Variants in CILP2 observed in about 807,000 individuals in gnomAD.
CILP2 encodes CILP-2.
CILP2 carries 38 observed loss-of-function variants against 45.6 expected under a neutral mutation model. The ratio of observed to expected loss-of-function variants is 0.83; its 90% CI spans 0.64 to 1.09. CILP2 has a LOEUF of 1.09. Ranked by LOEUF, CILP2 falls within the 50% of genes least tolerant of loss-of-function variation. CILP2 has a pLI of 0.00. For synonymous variants in CILP2, 780 were observed against 723.5 expected (o/e 1.08, Z -1.25); for missense variants, 1,735 against 1,662.2 (o/e 1.04, Z -0.76).
intron 2 of CILP2, 44 bp from the exon 3 acceptor site, chr19:19,540,160 C>A (rs1271709070): frequency 6.6e-7 from 1 of 1,504,314 alleles, no homozygotes; most frequent in South Asian, 1.3e-5. Flanking sequence ...TGCATGGGGG[C>A]CTACAGGCCG....
chr19:19,541,898 G>A (rs1362401148), intron 4 of CILP2, among the ~76,000 whole-genome samples: 3 of 152,200 alleles, frequency 2.0e-5, no homozygotes, highest in Non-Finnish European at 2.9e-5. Flanking sequence ...GGTGGCCAAT[G>A]GGGCGTTGGG....
Position 19,543,952 on chromosome 19 carries a change from G to GC in CILP2, c.1412dup (p.Arg472SerfsTer12). On this transcript the variant is annotated frameshift_variant, in exon 8 of 8. Transcript: ENST00000291495. LOFTEE classifies it low-confidence loss of function (END_TRUNC). ...CAGAGTGTGGCTGCCAGAAGTGTCT[G>GC]CCCCCTCGGGGGCTGGTCCGGGGCC... is the stretch of plus-strand genomic sequence containing the variant. The GC allele has an allele frequency of 6.2e-7, 1 of 1,613,380 alleles. No individual in the cohort carries two copies. The highest frequency in any genetic ancestry group is 8.5e-7 in the Non-Finnish European group (1 of 1,179,654).
At chr19:19,543,473 C>G in intron 7 of CILP2, 68 bp downstream of exon 7, 2 of 1,576,760 alleles carry the variant, frequency 1.3e-6, no homozygotes. Context: ...TAGCTAAGCT[C>G]AACCCCAAAT....
chr19:19,540,588 G>C, intron 3 of CILP2, 112 bp downstream of exon 3: 1 of 1,200,038 alleles, frequency 8.3e-7, no homozygotes, highest in Non-Finnish European at 1.1e-6. Flanking sequence ...GTGGGTGTGG[G>C]CGTGGCTGGG....
At position 19,539,734 on chromosome 19, in the gene CILP2, C is replaced by G. The variant is rs764519600; in HGVS notation, c.120C>G (p.Ser40=). 19 of 1,606,704 alleles carry G rather than the reference C, an allele frequency of 1.2e-5. No homozygotes were observed. Among genetic ancestry groups the G allele is most frequent in the Non-Finnish European group, 1.6e-5 (19 of 1,175,970 alleles). ...MATALGLERR[S]VYTGQPSPAL... is the part of the protein sequence containing the mutation. ...CTGCACTGGGCCTGGAAAGACGGTC[C>G]GTGTACACCGGCCAGCCCTCACCAG... is the stretch of plus-strand genomic sequence containing the variant. Residue 40 remains serine, a synonymous_variant, in exon 2 of 8, where the codon TCC becomes TCG. Coordinates refer to ENST00000291495, the MANE Select transcript of CILP2 (RefSeq NM_153221.2).
Position 19,540,277 on chromosome 19 carries a change from C to T in CILP2, c.237C>T (p.Ala79=), listed in dbSNP as rs1038869542. 1 of 1,600,906 alleles carries T rather than the reference C, an allele frequency of 6.2e-7. No individual in the cohort carries two copies. The highest frequency in any genetic ancestry group is 8.5e-7 in the Non-Finnish European group (1 of 1,176,798). ...ACGGCGACTTCGAGAGCCTGGCTGC[C>T]ATCCGCTTCTACTACGGGCCAGCGC... ...GGDGDFESLA[A]IRFYYGPARV... Residue 79 remains alanine, a synonymous_variant, in exon 3 of 8, where the codon GCC becomes GCT. Transcript: ENST00000291495.
rs61744761 is a variant in CILP2, at chr19:19,545,806, C to T, written c.3261C>T (p.Gly1087=). ...GCTGCTTTGATGGTTCCTCTGACGG[C>T]TTCTCCAGAGAGATGAAGGCTGATG... ...IGRCFDGSSD[G]FSREMKADAG... The change falls in exon 8 of 8, where the codon GGC becomes GGT. Residue 1087 remains glycine, a synonymous_variant. Coordinates refer to ENST00000291495, the MANE Select transcript of CILP2 (RefSeq NM_153221.2). 248,536 of 1,591,472 alleles carry T rather than the reference C, an allele frequency of 0.16. 20,497 individuals are homozygous for T. Among genetic ancestry groups the T allele is most frequent in the Middle Eastern group, 0.23 (1,379 of 5,944 alleles).
At chr19:19,540,677 T>G in intron 3 of CILP2, 1 of 631,988 alleles carries the variant, frequency 1.6e-6, no homozygotes, top group Non-Finnish European at 2.5e-6. Context: ...AGAGAGGCGC[T>G]GGGAACAGCG....
At chr19:19,539,645 A>T (rs1157191387) in intron 1 of CILP2, 34 bp from the exon 2 acceptor site, 11 of 1,476,718 alleles carry the variant, frequency 7.4e-6, no homozygotes, top group Non-Finnish European at 1.0e-5. Context: ...CATCAGTAGC[A>T]GCGTGCTTCC....
At position 19,540,387 on chromosome 19, in the gene CILP2, A is replaced by G. The variant is rs1158925966; in HGVS notation, c.347A>G (p.Asn116Ser). Residue 116 changes from asparagine to serine, a missense_variant, in exon 3 of 8, where the codon AAC becomes AGC. Physicochemically the swap from Asn to Ser is conservative, Grantham distance 46. Transcript: ENST00000291495. ...PSAVGERVHL[N>S]PTRGFWCLNR... is the part of the protein sequence containing the mutation. ...GCCGTCGGCGAGCGCGTGCACTTGA[A>G]CCCCACGCGCGGCTTCTGGTGCCTC... 9.8e-6 allele frequency: 15 copies of G among 1,524,574 alleles called. No individual in the cohort carries two copies. In the East Asian group the frequency reaches 3.6e-4, roughly 36 times the overall value. 94.4% of individuals were successfully genotyped at this position (1,524,574 alleles called of 1,614,324 possible).
rs750716481 is a variant in CILP2 at position 19,542,914 on chromosome 19, C to A, written c.919C>A (p.Gln307Lys). The A allele has an allele frequency of 6.2e-7, 1 of 1,614,096 alleles. No individual in the cohort carries two copies. The highest frequency in any genetic ancestry group is 8.5e-7 in the Non-Finnish European group (1 of 1,179,968). Reference protein sequence around the residue: ...HPESRVREAGQNVTFCCKASG... With the variant: ...HPESRVREAGKNVTFCCKASG... ...TGAGTCCCGAGTGCGAGAGGCTGGC[C>A]AGAATGTGACTTTCTGCTGCAAAGC... Residue 307 changes from glutamine (Q) to lysine (K), a missense_variant, in exon 6 of 8, where the codon CAG becomes AAG. Physicochemically the swap from Gln to Lys is moderately conservative, Grantham distance 53 (BLOSUM62 1). Coordinates refer to ENST00000291495, the MANE Select transcript of CILP2 (RefSeq NM_153221.2).
chr19:19,540,149 A>G (rs1261425713), intron 2 of CILP2, 55 bp from the exon 3 acceptor site: 1 of 1,479,882 alleles, frequency 6.8e-7, no homozygotes, highest in Non-Finnish European at 8.9e-7. Flanking sequence ...CTTTGCACGC[A>G]TGCATGGGGG....
rs112868711 is a variant in CILP2 at position 19,544,129 on chromosome 19, C to A, written c.1584C>A (p.Ser528Arg). 19 of 1,613,908 alleles carry A rather than the reference C, an allele frequency of 1.2e-5. No homozygotes were observed. The highest frequency in any genetic ancestry group is 5.3e-5 in the African/African-American group (4 of 75,062). Residue 528 changes from serine (S) to arginine (R), a missense_variant, in exon 8 of 8, where the codon AGC (serine) becomes AGA (arginine). Coordinates refer to ENST00000291495, the MANE Select transcript of CILP2 (RefSeq NM_153221.2). ...QRLVVTFVDP[S>R]GEFMDAVRVL... ...TGGTGGTGACTTTTGTGGACCCCAG[C>A]GGTGAGTTCATGGACGCTGTCCGGG...
In CILP2 at chr19:19,545,604, G is replaced by A. The variant is rs377594014; in HGVS notation, c.3059G>A (p.Arg1020His). The change falls in exon 8 of 8, where the codon CGC (arginine) becomes CAC (histidine). Residue 1020 changes from arginine (R) to histidine (H), a missense_variant. Transcript: ENST00000291495. ...ATTATGCCCCAGGGCAGCTGCCGGCGCGTGGCCGTCAACGGACTCCTTCGG... is the reference window on the plus strand; with the variant it reads ...ATTATGCCCCAGGGCAGCTGCCGGCACGTGGCCGTCAACGGACTCCTTCGG... ...VTIMPQGSCR[R>H]VAVNGLLRDY... is the part of the protein sequence containing the mutation. 9 of 1,608,532 alleles carry A rather than the reference G, an allele frequency of 5.6e-6. No homozygotes were observed. Among genetic ancestry groups the A allele is most frequent in the South Asian group, 3.3e-5 (3 of 90,776 alleles).
Position 19,544,240 on chromosome 19 carries a change from C to T in CILP2, c.1695C>T (p.Ser565=). ...AAGCCCCGGTCATTTTACATACCAG[C>T]CAGAGCAACACGATCCCCCTGGGCG... The part of the protein sequence containing the change: ...RKKAPVILHT[S]QSNTIPLGEL... Residue 565 remains serine, a synonymous_variant, in exon 8 of 8, where the codon AGC becomes AGT. Transcript: ENST00000291495. The T allele has an allele frequency of 6.2e-7, 1 of 1,613,792 alleles. No homozygotes were observed. Among genetic ancestry groups the T allele is most frequent in the Non-Finnish European group, 8.5e-7 (1 of 1,180,012 alleles).
intron 2 of CILP2, 30 bp downstream of exon 2, chr19:19,539,807 C>T (rs1039403244): frequency 6.6e-7 from 1 of 1,525,180 alleles, no homozygotes; most frequent in Non-Finnish European, 8.9e-7. Context: ...AGTCCCGTCT[C>T]TGCTGCGGGC....
rs997427700 is a variant in CILP2, at chr19:19,540,115, G to A, written c.164-89G>A. 1.9e-5 allele frequency: 26 copies of A among 1,404,686 alleles called. No individual in the cohort carries two copies. In the African/African-American group the frequency reaches 2.9e-4, roughly 15 times the overall value. 87.0% of individuals were successfully genotyped at this position (1,404,686 alleles called of 1,614,324 possible). A position where few individuals can be genotyped will look rare whatever the true frequency, so the allele number is the denominator to read the frequency against. ...CGGCTAGCCGGTGCCCACCGGGGGA[G>A]GGGGCTGAGACAGCAAGTAAGGCCT... On this transcript the variant is annotated intron_variant, in intron 2 of 7. Coordinates refer to ENST00000291495, the MANE Select transcript of CILP2 (RefSeq NM_153221.2).
At position 19,544,981 on chromosome 19, in the gene CILP2, C is replaced by A; in HGVS notation, c.2436C>A (p.Thr812=). The stretch of plus-strand genomic sequence containing the variant: ...CCTACACCGCCCTGGTCACCGCCAC[C>A]CTGGGCGGCGAGGAGCTGGAGCCGG... ...PDAYTALVTA[T]LGGEELEPAP... is the part of the protein sequence containing the mutation. Residue 812 remains threonine, a synonymous_variant, in exon 8 of 8, where the codon ACC becomes ACA. Coordinates refer to ENST00000291495, the MANE Select transcript of CILP2 (RefSeq NM_153221.2). 1 of 1,597,630 alleles carries A rather than the reference C, an allele frequency of 6.3e-7. No individual in the cohort carries two copies. Among genetic ancestry groups the A allele is most frequent in the Non-Finnish European group, 8.5e-7 (1 of 1,177,916 alleles).
Position 19,542,887 on chromosome 19 carries a change from C to T in CILP2, c.892C>T (p.Pro298Ser), listed in dbSNP as rs2144677692. The T allele has an allele frequency of 6.2e-7, 1 of 1,613,936 alleles. No homozygotes were observed. Among genetic ancestry groups the T allele is most frequent in the East Asian group, 2.2e-5 (1 of 44,878 alleles). The change falls in exon 6 of 8, where the codon CCT (proline) becomes TCT (serine). Residue 298 changes from proline (P) to serine (S), a missense_variant. Transcript: ENST00000291495. ...AGAGAAGCCGTACCTGGTGAAACAC[C>T]CTGAGTCCCGAGTGCGAGAGGCTGG... ...KLEKPYLVKHPESRVREAGQN... is the reference protein window; with the variant it reads ...KLEKPYLVKHSESRVREAGQN...
Sources: gnomAD v4.1 joint callset for allele counts (sites outside exome capture counted in the v4.1 genomes callset) on GRCh38, gnomAD v4.1.1 for gene constraint, MANE v1.5 for transcripts, NCBI Gene and HGNC (gene_info 2026-07-23, HGNC 2026-07-21) for gene names.